The following CCSER1 variants were observed in gnomAD, a reference collection of about 807,000 sequenced individuals.
CCSER1 encodes the protein coiled-coil serine rich protein 1.
Under a neutral mutation model 82.0 loss-of-function variants are expected in CCSER1, and 41 were observed. The observed-to-expected ratio is 0.50, with a 90% CI of 0.39 to 0.65. The LOEUF (loss-of-function observed/expected upper bound fraction) is 0.65. Among genes scored for constraint, CCSER1 ranks in the 30% least tolerant of loss-of-function variants. CCSER1 has a pLI of 0.00. For synonymous variants in CCSER1, 414 were observed against 383.9 expected, an observed-to-expected ratio of 1.08 and a Z score of -0.92; for missense variants, 1,119 against 1,064.2, an observed-to-expected ratio of 1.05 and a Z score of -0.72.
intron 10 of CCSER1, among the ~76,000 whole-genome samples, chr4:91,553,637 G>T (rs1277100061): frequency 1.3e-5 from 2 of 150,556 alleles, no homozygotes; most frequent in African/African-American, 4.9e-5. Flanking sequence ...ATTTCTGCAT[G>T]AATTAGCTTT....
chr4:91,490,952 A>G (rs1189458639), intron 10 of CCSER1, among the ~76,000 whole-genome samples: 2 of 118,742 alleles, frequency 1.7e-5, no homozygotes, highest in African/African-American at 6.2e-5. Flanking sequence ...CTATGTACCC[A>G]TAAAAATTAA....
chr4:90,948,444 T>C (rs1732520911), intron 9 of CCSER1, among the ~76,000 whole-genome samples: 1 of 151,850 alleles, frequency 6.6e-6, no homozygotes, highest in Non-Finnish European at 1.5e-5. Context: ...TTGTTCTCAA[T>C]TTTTTTCGTT....
At chr4:91,233,296 T>C (rs1165439059) in intron 10 of CCSER1, among the ~76,000 whole-genome samples, 3 of 151,864 alleles carry the variant, frequency 2.0e-5, no homozygotes, top group African/African-American at 7.2e-5. Context: ...TTTATTTTAA[T>C]AAAAATGTGC....
intron 9 of CCSER1, among the ~76,000 whole-genome samples, chr4:90,938,160 TTA>T (rs1222590571): frequency 6.6e-6 from 1 of 152,110 alleles, no homozygotes; most frequent in Non-Finnish European, 1.5e-5. Context: ...GCAATAAAGT[TTA>T]GAGACTAAAA....
intron 10 of CCSER1, among the ~76,000 whole-genome samples, chr4:91,382,230 C>CA (rs1750957703): frequency 1.3e-5 from 2 of 152,288 alleles, no homozygotes; most frequent in South Asian, 4.1e-4. Context: ...AGCTGTCAGA[C>CA]AGGGACATTT....
At chr4:91,068,306 T>C (rs1396894348) in intron 9 of CCSER1, among the ~76,000 whole-genome samples, 1 of 152,226 alleles carries the variant, frequency 6.6e-6, no homozygotes, top group Non-Finnish European at 1.5e-5. Context: ...TGAGAGGATA[T>C]TAAGTTACAG....
intron 10 of CCSER1, among the ~76,000 whole-genome samples, chr4:91,181,685 A>G (rs1256202175): frequency 6.6e-6 from 1 of 152,172 alleles, no homozygotes; most frequent in Non-Finnish European, 1.5e-5. Context: ...GGGACCAATT[A>G]ATAATGATTC....
At chr4:90,150,165 C>G (rs911875860) in intron 1 of CCSER1, among the ~76,000 whole-genome samples, 9 of 152,170 alleles carry the variant, frequency 5.9e-5, no homozygotes, top group Admixed American at 2.6e-4. Flanking sequence ...TCTGCTAATT[C>G]TACAGGACCA....
chr4:91,480,997 C>T (rs1347348039), intron 10 of CCSER1, among the ~76,000 whole-genome samples: 7 of 151,696 alleles, frequency 4.6e-5, no homozygotes, highest in Non-Finnish European at 7.4e-5. Context: ...TCTTAGCCTT[C>T]ATCTCTGATT....
chr4:90,238,102 A>C (rs1009323929), intron 1 of CCSER1, among the ~76,000 whole-genome samples: 1 of 152,238 alleles, frequency 6.6e-6, no homozygotes, highest in Non-Finnish European at 1.5e-5. Context: ...GGTGCTGATA[A>C]GAAAAGGAAA....
chr4:91,336,421 A>C (rs2149282272), intron 10 of CCSER1, among the ~76,000 whole-genome samples: 1 of 152,256 alleles, frequency 6.6e-6, no homozygotes, highest in African/African-American at 2.4e-5. Context: ...TTAATTCACA[A>C]GAAGGTATAA....
chr4:91,520,068 T>C (rs1156361782), intron 10 of CCSER1, among the ~76,000 whole-genome samples: 1 of 152,216 alleles, frequency 6.6e-6, no homozygotes, highest in Non-Finnish European at 1.5e-5. Flanking sequence ...TTTCTACGTG[T>C]TTTATGTCTT....
chr4:91,245,002 A>G (rs1235631246), intron 10 of CCSER1, among the ~76,000 whole-genome samples: 1 of 152,056 alleles, frequency 6.6e-6, no homozygotes, highest in East Asian at 1.9e-4. Flanking sequence ...ATACTGAAGA[A>G]TGCATTAGAG....
intron 10 of CCSER1, among the ~76,000 whole-genome samples, chr4:91,178,034 G>A (rs1413960524): frequency 6.6e-6 from 1 of 152,150 alleles, no homozygotes; most frequent in African/African-American, 2.4e-5. Flanking sequence ...TGGTTTCAAA[G>A]AACATCTTTA....
intron 10 of CCSER1, among the ~76,000 whole-genome samples, chr4:91,126,957 C>T (rs1727576017): frequency 1.3e-5 from 2 of 151,580 alleles, no homozygotes; most frequent in African/African-American, 4.8e-5. Context: ...ACCCAGGAGG[C>T]AAGTAGAACC....
intron 7 of CCSER1, among the ~76,000 whole-genome samples, chr4:90,774,245 C>T (rs1454924545): frequency 6.6e-6 from 1 of 151,946 alleles, no homozygotes; most frequent in Non-Finnish European, 1.5e-5. Context: ...ATGGTAAATT[C>T]CTGTGAAATT....
At chr4:90,649,983 AAGACGGGC>A (rs1412645838) in intron 6 of CCSER1, among the ~76,000 whole-genome samples, 1 of 152,032 alleles carries the variant, frequency 6.6e-6, no homozygotes, top group African/African-American at 2.4e-5. Flanking sequence ...TTGGGAGGCC[AAGACGGGC>A]AGATCATGAG....
intron 7 of CCSER1, among the ~76,000 whole-genome samples, chr4:90,737,804 CCTGA>C (rs1745907030): frequency 6.6e-6 from 1 of 151,998 alleles, no homozygotes; most frequent in South Asian, 2.1e-4. Flanking sequence ...TTTTATCTCC[CCTGA>C]CTATGTATTT....
intron 8 of CCSER1, among the ~76,000 whole-genome samples, chr4:90,855,433 A>T (rs945282855): frequency 6.6e-6 from 1 of 152,180 alleles, no homozygotes; most frequent in Non-Finnish European, 1.5e-5. Context: ...AGAATTATTA[A>T]ATAAATATTT....
Sources: gnomAD v4.1 joint callset for allele counts (sites outside exome capture counted in the v4.1 genomes callset) on GRCh38, gnomAD v4.1.1 for gene constraint, MANE v1.5 for transcripts, NCBI Gene and HGNC (gene_info 2026-07-23, HGNC 2026-07-21) for gene names.